CDCA3: variants seen among roughly 807,000 people sequenced by gnomAD.
CDCA3 encodes the protein cell division cycle associated 3, also known as cell division cycle-associated protein 3.
Under a neutral mutation model 29.1 loss-of-function variants are expected in CDCA3, and 16 were observed. The observed-to-expected ratio is 0.55, with a 90% CI of 0.37 to 0.83. The LOEUF is 0.83. Among genes scored for constraint, CDCA3 ranks in the 40% least tolerant of loss-of-function variants. The probability of loss-of-function intolerance (pLI) is 0.00; values close to 1 mark genes in which losing one functional copy is unlikely to be tolerated. For synonymous variants in CDCA3, 88 were observed against 124.5 expected (o/e 0.71, Z 1.95); for missense variants, 291 against 327.2 (o/e 0.89, Z 0.85).
chr12:6,850,365 G>A lies in CDCA3; in HGVS notation c.250+102C>T. The stretch of plus-strand genomic sequence containing the variant: ...GAGTGAGATGGGTCCGAAGCAGGAG[G>A]ATAGAGGCCCCTTTAAGGAACCCTG... On this transcript the variant is annotated intron_variant, in intron 3 of 5. Transcript: ENST00000538862. This position sits in a 1 kb window ranked among gnomAD's most constrained non-coding sequence, Gnocchi z 4.7. 1.4e-6 allele frequency: 2 copies of A among 1,448,860 alleles called. No individual in the cohort carries two copies. The highest frequency in any genetic ancestry group is 2.4e-5 in the South Asian group (2 of 81,744). The allele number at this position is 1,448,860 out of a possible 1,614,324, so 89.8% of individuals were successfully genotyped here.
At chr12:6,846,823 C>T, downstream of CDCA3, 1 of 1,600,346 alleles carries the variant, frequency 6.2e-7, no homozygotes, top group Non-Finnish European at 8.5e-7. Flanking sequence ...ACAGGGTGAG[C>T]TGCCTGGGAG....
At chr12:6,847,043 C>T, downstream of CDCA3, 1 of 611,616 alleles carries the variant, frequency 1.6e-6, no homozygotes, top group East Asian at 2.8e-5. Context: ...GAGCATGGGA[C>T]TGTGCCTTTG....
chr12:6,845,489 G>A (rs919007400), downstream of CDCA3: 12 of 776,648 alleles, frequency 1.5e-5, no homozygotes, highest in Middle Eastern at 1.3e-3. Context: ...TGAGAGCAGC[G>A]GCTTGCCCTG....
downstream of CDCA3, chr12:6,845,307 C>T (rs782264600): frequency 2.4e-5 from 10 of 419,146 alleles, no homozygotes; most frequent in Non-Finnish European, 4.4e-5. Flanking sequence ...CCCTTCTAGC[C>T]GGGTCACTGC....
rs782675018 is a variant in CDCA3, at chr12:6,851,253, A to T, written c.-89T>A. 9.5e-6 allele frequency: 11 copies of T among 1,162,650 alleles called. No individual in the cohort carries two copies. The highest frequency in any genetic ancestry group is 1.2e-5 in the Non-Finnish European group (11 of 938,972). The allele number at this position is 1,162,650 out of a possible 1,614,324, so 72.0% of individuals were successfully genotyped here. A position where few individuals can be genotyped will look rare whatever the true frequency, so the allele number is the denominator to read the frequency against. On this transcript the variant is annotated 5_prime_UTR_variant, in exon 1 of 6. Transcript: ENST00000538862. ...CCAATTCCACCTCTGGATGCACAAC[A>T]GCTCGTGGCTCAACTCCCGAAGTTA...
At position 6,849,857 on chromosome 12, in the gene CDCA3, G is replaced by T; in HGVS notation, c.252C>A (p.Asp84Glu). The T allele has an allele frequency of 6.6e-7, 1 of 1,521,830 alleles. No homozygotes were observed. The highest frequency in any genetic ancestry group is 8.8e-7 in the Non-Finnish European group (1 of 1,134,474). 94.3% of individuals were successfully genotyped at this position (1,521,830 alleles called of 1,614,324 possible). A position where few individuals can be genotyped will look rare whatever the true frequency, so the allele number is the denominator to read the frequency against. ...GCTGTTTCACCAGTGGGCTTGGGGGGTCTAGAGGAAGAAAGTGAAGTGAAC... is the reference window on the plus strand; with the variant it reads ...GCTGTTTCACCAGTGGGCTTGGGGGTTCTAGAGGAAGAAAGTGAAGTGAAC... ...ARTPMKTSSG[D>E]PPSPLVKQLS... The change falls in exon 4 of 6, where the codon GAC becomes GAA. Residue 84 changes from aspartate (D) to glutamate (E), a missense_variant and splice_region_variant. Asp to Glu is a conservative substitution (Grantham distance 45, BLOSUM62 2). Transcript: ENST00000538862. The surrounding 1 kb of genome is among the most constrained non-coding windows in gnomAD (Gnocchi z 5.2).
Position 6,850,502 on chromosome 12 carries a change from C to A in CDCA3, c.215G>T (p.Gly72Val). Residue 72 changes from glycine (G) to valine (V), a missense_variant, in exon 3 of 6, where the codon GGT (glycine) becomes GTT (valine). Coordinates refer to ENST00000538862, the MANE Select transcript of CDCA3 (RefSeq NM_031299.7). The surrounding 1 kb of genome is among the most constrained non-coding windows in gnomAD (Gnocchi z 4.7). ...GGTCTTCATAGGTGTCCGTGCAATACCAAGAGTAGGAGAGCGGGGATCTGA... is the reference window on the plus strand; with the variant it reads ...GGTCTTCATAGGTGTCCGTGCAATAACAAGAGTAGGAGAGCGGGGATCTGA... ...QDSDPRSPTL[G>V]IARTPMKTSS... is the part of the protein sequence containing the mutation. 1 of 1,614,162 alleles carries A rather than the reference C, an allele frequency of 6.2e-7. No homozygotes were observed. The highest frequency in any genetic ancestry group is 1.1e-5 in the South Asian group (1 of 91,086).
rs1368636348 is a variant in CDCA3 at position 6,849,926 on chromosome 12, C to T, written c.251-68G>A. 2 of 1,365,880 alleles carry T rather than the reference C, an allele frequency of 1.5e-6. No homozygotes were observed. Among genetic ancestry groups the T allele is most frequent in the Non-Finnish European group, 1.9e-6 (2 of 1,025,962 alleles). 84.6% of individuals were successfully genotyped at this position (1,365,880 alleles called of 1,614,324 possible). A position where few individuals can be genotyped will look rare whatever the true frequency, so the allele number is the denominator to read the frequency against. ...AACATTCAGCAAGGAGCAAAACATA[C>T]AGAAACCCAGGACTCATGCCCAGGA... On this transcript the variant is annotated intron_variant, in intron 3 of 5. Transcript: ENST00000538862. This position sits in a 1 kb window ranked among gnomAD's most constrained non-coding sequence, Gnocchi z 5.2.
rs781828454 is a variant in CDCA3 at position 6,848,993 on chromosome 12, A to G, written c.*50T>C. The G allele has an allele frequency of 1.3e-6, 1 of 766,890 alleles. No homozygotes were observed. Among genetic ancestry groups the G allele is most frequent in the Non-Finnish European group, 2.4e-6 (1 of 414,906 alleles). The allele number at this position is 766,890 out of a possible 1,614,324, so 47.5% of individuals were successfully genotyped here. On this transcript the variant is annotated 3_prime_UTR_variant, in exon 6 of 6. Coordinates refer to ENST00000538862, the MANE Select transcript of CDCA3 (RefSeq NM_031299.7). ...CCTGGGAAAGAAGGGGTGAGAGGAC[A>G]CAGATATCACCAGGCCCTGGGTGAC... is the stretch of plus-strand genomic sequence containing the variant.
Position 6,849,009 on chromosome 12 carries a change from C to T in CDCA3, c.*34G>A, listed in dbSNP as rs1555125466. The T allele has an allele frequency of 1.3e-6, 1 of 797,256 alleles. No homozygotes were observed. The highest frequency in any genetic ancestry group is 2.3e-6 in the Non-Finnish European group (1 of 436,236). 49.4% of individuals were successfully genotyped at this position (797,256 alleles called of 1,614,324 possible). A position where few individuals can be genotyped will look rare whatever the true frequency, so the allele number is the denominator to read the frequency against. On this transcript the variant is annotated 3_prime_UTR_variant, in exon 6 of 6. Coordinates refer to ENST00000538862, the MANE Select transcript of CDCA3 (RefSeq NM_031299.7). This position sits in a 1 kb window ranked among gnomAD's most constrained non-coding sequence, Gnocchi z 5.2. ...TGAGAGGACACAGATATCACCAGGC[C>T]CTGGGTGACTGCATTGCTGGGGCCA...
At chr12:6,848,022 T>C (rs1374618361), downstream of CDCA3, 2 of 151,904 alleles carry the variant, frequency 1.3e-5, no homozygotes, top group African/African-American at 2.4e-5. Context: ...CTGAGCAACA[T>C]AGTAAGACCC....
chr12:6,851,203 AATT>A lies in CDCA3; in HGVS notation c.-58+16_-58+18del. ...GCTGAGCCCTCTAACTTATTTATTAAATTATTCAAATCACTTACCGGGCCCCAA... is the reference window on the plus strand; with the variant it reads ...GCTGAGCCCTCTAACTTATTTATTAAATTCAAATCACTTACCGGGCCCCAA... On this transcript the variant is annotated intron_variant, in intron 1 of 5. Transcript: ENST00000538862. The A allele has an allele frequency of 7.7e-7, 1 of 1,295,046 alleles. No homozygotes were observed. Among genetic ancestry groups the A allele is most frequent in the Non-Finnish European group, 9.8e-7 (1 of 1,021,762 alleles). The allele number at this position is 1,295,046 out of a possible 1,614,324, so 80.2% of individuals were successfully genotyped here.
chr12:6,849,525 C>T lies in CDCA3; in HGVS notation c.544+40G>A. The T allele has an allele frequency of 6.3e-7, 1 of 1,575,610 alleles. No individual in the cohort carries two copies. Among genetic ancestry groups the T allele is most frequent in the Non-Finnish European group, 8.6e-7 (1 of 1,158,286 alleles). On this transcript the variant is annotated intron_variant, in intron 4 of 5. Coordinates refer to ENST00000538862, the MANE Select transcript of CDCA3 (RefSeq NM_031299.7). The surrounding 1 kb of genome is among the most constrained non-coding windows in gnomAD (Gnocchi z 5.2). Reference sequence around the variant, plus strand: ...CATGGACCTTATCCCAAAACATTATCCTAGTTTATCTTCCCTGCATCTTGC... The same window carrying T: ...CATGGACCTTATCCCAAAACATTATTCTAGTTTATCTTCCCTGCATCTTGC...
rs1454447618 is a variant in CDCA3, at chr12:6,851,252, C to G, written c.-88G>C. On this transcript the variant is annotated 5_prime_UTR_variant, in exon 1 of 6. Coordinates refer to ENST00000538862, the MANE Select transcript of CDCA3 (RefSeq NM_031299.7). ...CCCAATTCCACCTCTGGATGCACAA[C>G]AGCTCGTGGCTCAACTCCCGAAGTT... The G allele has an allele frequency of 1.7e-6, 2 of 1,165,634 alleles. No homozygotes were observed. Among genetic ancestry groups the G allele is most frequent in the Non-Finnish European group, 1.1e-6 (1 of 940,864 alleles). 72.2% of individuals were successfully genotyped at this position (1,165,634 alleles called of 1,614,324 possible). A position where few individuals can be genotyped will look rare whatever the true frequency, so the allele number is the denominator to read the frequency against.
In CDCA3 at chr12:6,849,884, G is replaced by A; in HGVS notation, c.251-26C>T. On this transcript the variant is annotated intron_variant, in intron 3 of 5. Coordinates refer to ENST00000538862, the MANE Select transcript of CDCA3 (RefSeq NM_031299.7). This position sits in a 1 kb window ranked among gnomAD's most constrained non-coding sequence, Gnocchi z 5.2. Reference sequence around the variant, plus strand: ...CTAGAGGAAGAAAGTGAAGTGAACAGTGACCTTCTGATACACAACATTCAG... The same window carrying A: ...CTAGAGGAAGAAAGTGAAGTGAACAATGACCTTCTGATACACAACATTCAG... 6.7e-7 allele frequency: 1 copy of A among 1,500,304 alleles called. No homozygotes were observed. Among genetic ancestry groups the A allele is most frequent in the Non-Finnish European group, 8.9e-7 (1 of 1,122,902 alleles). The allele number at this position is 1,500,304 out of a possible 1,614,324, so 92.9% of individuals were successfully genotyped here.
downstream of CDCA3, chr12:6,846,513 A>T (rs2137994295): frequency 3.1e-6 from 1 of 327,660 alleles, no homozygotes; most frequent in South Asian, 8.4e-5. Flanking sequence ...CTTGACAGAG[A>T]ACCCCCTGCC....
At chr12:6,845,956 TG>T (rs1943688806), downstream of CDCA3, 1 of 631,510 alleles carries the variant, frequency 1.6e-6, no homozygotes, top group East Asian at 2.7e-5. Flanking sequence ...CAGTACCCCT[TG>T]GTTCCCAACT....
At chr12:6,846,493 A>T, downstream of CDCA3, 1 of 280,894 alleles carries the variant, frequency 3.6e-6, no homozygotes, top group Non-Finnish European at 6.7e-6. Context: ...GCCCTCCCCC[A>T]ACCAAAGCTC....
At chr12:6,846,765 A>T, downstream of CDCA3, 1 of 1,354,452 alleles carries the variant, frequency 7.4e-7, no homozygotes, top group Non-Finnish European at 1.0e-6. Context: ...TTGGAGAGAC[A>T]GGCTGACTCC....
Sources: gnomAD v4.1 joint callset for allele counts on GRCh38, gnomAD v4.1.1 for gene constraint, Gnocchi (gnomAD v3.1) non-coding constraint, MANE v1.5 for transcripts, NCBI Gene and HGNC (gene_info 2026-07-23, HGNC 2026-07-21) for gene names.